Variants in GRIK1 observed in about 807,000 individuals in gnomAD.
GRIK1 encodes glutamate ionotropic receptor kainate type subunit 1, also known as glutamate receptor ionotropic, kainate 1.
Under a neutral mutation model 105.7 loss-of-function variants are expected in GRIK1, and 69 were observed. The observed-to-expected ratio is 0.65, with a 90% CI of 0.54 to 0.80. GRIK1 has a LOEUF of 0.80. Ranked by LOEUF, GRIK1 falls within the 30% of genes least tolerant of loss-of-function variation. The probability of loss-of-function intolerance (pLI) is 0.00; values close to 1 mark genes in which losing one functional copy is unlikely to be tolerated. For missense variants in GRIK1, 1,109 were observed against 1,167.3 expected (o/e 0.95, Z 0.73); for synonymous variants, 438 against 431.3 (o/e 1.02, Z -0.19).
chr21:29,804,708 C>G (rs2066813963), intron 1 of GRIK1, among the ~76,000 whole-genome samples: 1 of 152,110 alleles, frequency 6.6e-6, no homozygotes, highest in South Asian at 2.1e-4. Context: ...ATATGAACGG[C>G]TAATGTTTGG....
At chr21:29,928,168 C>T (rs1256889962) in intron 1 of GRIK1, among the ~76,000 whole-genome samples, 2 of 152,196 alleles carry the variant, frequency 1.3e-5, no homozygotes, top group African/African-American at 4.8e-5. Context: ...GCAAAAACAT[C>T]CTCACATTCA....
At chr21:29,782,159 T>C (rs1046902318) in intron 1 of GRIK1, among the ~76,000 whole-genome samples, 1 of 148,954 alleles carries the variant, frequency 6.7e-6, no homozygotes, top group East Asian at 2.0e-4. Flanking sequence ...CGATCTCGGC[T>C]CACTGCAAGC....
At position 29,589,770 on chromosome 21, in the gene GRIK1, A is replaced by T. The variant is rs139095123; in HGVS notation, c.1366-728T>A. 1.6e-4 allele frequency among the ~76,000 whole-genome samples: 24 copies of T among 151,824 alleles called. No homozygotes were observed. The East Asian group carries it at 4.7e-3, about 29-fold the overall frequency. ...CATGACAGAGAAATCTACATCACCAACTATTTCCTTTCATTCTTTGCATTT... is the reference window on the plus strand; with the variant it reads ...CATGACAGAGAAATCTACATCACCATCTATTTCCTTTCATTCTTTGCATTT... On this transcript the variant is annotated intron_variant, in intron 10 of 17. Transcript: ENST00000327783.
chr21:29,746,767 G>T (rs1755474883), intron 1 of GRIK1, among the ~76,000 whole-genome samples: 1 of 152,168 alleles, frequency 6.6e-6, no homozygotes, highest in Admixed American at 6.5e-5. Flanking sequence ...CCAGAGAATT[G>T]CCAATTGAAG....
intron 1 of GRIK1, among the ~76,000 whole-genome samples, chr21:29,812,959 C>T (rs192197815): frequency 5.9e-5 from 9 of 152,170 alleles, no homozygotes; most frequent in East Asian, 5.8e-4. Flanking sequence ...AAAAATTGTA[C>T]GTAGGAAGAT....
chr21:29,561,742 T>C lies in GRIK1; in HGVS notation c.2238A>G (p.Thr746=). Residue 746 remains threonine (T), a synonymous_variant, in exon 15 of 18, where the codon ACA becomes ACG. Coordinates refer to ENST00000327783, the MANE Select transcript of GRIK1 (RefSeq NM_001330994.2). ...SDEGIQRVLT[T]DYALLMESTS... ...TGGACTCCATCAGCAGCGCGTAGTC[T>C]GTGGTGAGCACTCTCTGGATCCCCT... is the stretch of plus-strand genomic sequence containing the variant. 6.2e-7 allele frequency: 1 copy of C among 1,613,774 alleles called. No individual in the cohort carries two copies. The highest frequency in any genetic ancestry group is 8.5e-7 in the Non-Finnish European group (1 of 1,179,628).
Position 29,580,055 on chromosome 21 carries a change from A to ATATATG in GRIK1, c.1912+1369_1912+1370insCATATA, listed in dbSNP as rs1261465272. 4.6e-4 allele frequency among the ~76,000 whole-genome samples: 61 copies of ATATATG among 132,852 alleles called. No homozygotes were observed. In the South Asian group the frequency reaches 0.012, roughly 25 times the overall value. 87.2% of individuals were successfully genotyped at this position (132,852 alleles called of 152,430 possible). A position where few individuals can be genotyped will look rare whatever the true frequency, so the allele number is the denominator to read the frequency against. On this transcript the variant is annotated intron_variant, in intron 13 of 17. Transcript: ENST00000327783. ...TATATGTGTATATATGTATATATGT[A>ATATATG]TATATATATGTGTATATATATGTAT...
At chr21:29,796,256 T>C (rs1360506766) in intron 1 of GRIK1, among the ~76,000 whole-genome samples, 1 of 152,190 alleles carries the variant, frequency 6.6e-6, no homozygotes, top group Non-Finnish European at 1.5e-5. Flanking sequence ...TCTCTTAGTC[T>C]TCATTCTATC....
chr21:29,858,781 T>C (rs1027473977), intron 1 of GRIK1, among the ~76,000 whole-genome samples: 8 of 151,772 alleles, frequency 5.3e-5, no homozygotes, highest in African/African-American at 1.5e-4. Flanking sequence ...TGAAGAAGAT[T>C]TACTTCATAG....
chr21:29,578,116 C>T (rs577814638), intron 13 of GRIK1, among the ~76,000 whole-genome samples: 19 of 152,304 alleles, frequency 1.2e-4, no homozygotes, highest in African/African-American at 3.6e-4. Flanking sequence ...AATTAGAGTT[C>T]ACTCCAGTTG....
intron 7 of GRIK1, among the ~76,000 whole-genome samples, chr21:29,624,593 A>T (rs2062080826): frequency 6.6e-6 from 1 of 152,226 alleles, no homozygotes; most frequent in Non-Finnish European, 1.5e-5. Context: ...TTCCAAGGCA[A>T]ACCTTAGAAT....
In GRIK1 at chr21:29,787,081, G is replaced by A. The variant is rs1054057313; in HGVS notation, c.119-93018C>T. The stretch of plus-strand genomic sequence containing the variant: ...AATTTAGTTTCAAATACATATTTAC[G>A]ATGTCATTGTCTGTGCTCAAGCAGG... On this transcript the variant is annotated intron_variant, in intron 1 of 17. Coordinates refer to ENST00000327783, the MANE Select transcript of GRIK1 (RefSeq NM_001330994.2). Among the ~76,000 whole-genome samples the A allele has an allele frequency of 5.3e-5, 8 of 152,104 alleles. No individual in the cohort carries two copies. The East Asian group carries it at 1.5e-3, about 29-fold the overall frequency.
chr21:29,741,338 T>A (rs917675319), intron 1 of GRIK1, among the ~76,000 whole-genome samples: 18 of 152,214 alleles, frequency 1.2e-4, no homozygotes, highest in East Asian at 1.9e-4. Context: ...ATGTTTTTTT[T>A]AAATTAGAAC....
intron 1 of GRIK1, among the ~76,000 whole-genome samples, chr21:29,852,051 C>T (rs1307232307): frequency 6.6e-6 from 1 of 152,188 alleles, no homozygotes; most frequent in East Asian, 1.9e-4. Context: ...TCTCCTTCCA[C>T]AGTTTCTCAC....
At chr21:29,541,539 A>G (rs2089969241) in intron 16 of GRIK1, among the ~76,000 whole-genome samples, 2 of 143,284 alleles carry the variant, frequency 1.4e-5, no homozygotes, top group African/African-American at 5.4e-5. Flanking sequence ...ACCATAGTAT[A>G]TATTTTAACT....
intron 4 of GRIK1, among the ~76,000 whole-genome samples, chr21:29,659,267 C>T (rs541699936): frequency 1.8e-4 from 27 of 152,040 alleles, no homozygotes; most frequent in Non-Finnish European, 3.4e-4. Context: ...ATAATTTTTC[C>T]CCATATAAAC....
chr21:29,861,549 C>T, intron 1 of GRIK1: 1 of 290,406 alleles, frequency 3.4e-6, no homozygotes, highest in Non-Finnish European at 6.8e-6. Flanking sequence ...CTCAAGCGAT[C>T]TGCCCTCTTC....
At chr21:29,607,388 T>C (rs1250796952) in intron 7 of GRIK1, among the ~76,000 whole-genome samples, 1 of 150,222 alleles carries the variant, frequency 6.7e-6, no homozygotes, top group Non-Finnish European at 1.5e-5. Context: ...TAGCTGCCTA[T>C]CTCTGGAAAT....
At chr21:29,912,178 A>G (rs1350715712) in intron 1 of GRIK1, among the ~76,000 whole-genome samples, 1 of 152,122 alleles carries the variant, frequency 6.6e-6, no homozygotes, top group Non-Finnish European at 1.5e-5. Flanking sequence ...GCCATTATAA[A>G]TTCCCCTTGA....
Sources: gnomAD v4.1 joint callset for allele counts (sites outside exome capture counted in the v4.1 genomes callset) on GRCh38, gnomAD v4.1.1 for gene constraint, MANE v1.5 for transcripts, NCBI Gene and HGNC (gene_info 2026-07-23, HGNC 2026-07-21) for gene names.